Variants in SLC9C1 observed in about 807,000 individuals in gnomAD.
SLC9C1 encodes the protein solute carrier family 9 member C1, also known as sodium/hydrogen exchanger 10.
SLC9C1 carries 97 observed loss-of-function variants against 140.9 expected under a neutral mutation model. That is an observed-to-expected ratio of 0.69 (90% CI 0.58 to 0.82). The LOEUF (loss-of-function observed/expected upper bound fraction) is 0.82. Among genes scored for constraint, SLC9C1 ranks in the 40% least tolerant of loss-of-function variants. The probability of loss-of-function intolerance (pLI) is 0.00; values close to 1 mark genes in which losing one functional copy is unlikely to be tolerated. For missense variants in SLC9C1, 1,340 were observed against 1,389.3 expected (o/e 0.96, Z 0.56); for synonymous variants, 440 against 442.6 (o/e 0.99, Z 0.07).
At chr3:112,185,673 C>G in intron 20 of SLC9C1, 1 of 1,552,810 alleles carries the variant, frequency 6.4e-7, no homozygotes, top group East Asian at 2.4e-5. Context: ...GGGGCGGGTG[C>G]TCCGGAGGCG....
intron 10 of SLC9C1, among the ~76,000 whole-genome samples, chr3:112,260,953 C>A (rs1256170278): frequency 6.6e-6 from 1 of 152,026 alleles, no homozygotes; most frequent in African/African-American, 2.4e-5. Flanking sequence ...CTCCATGATA[C>A]CCTGCCTCCC....
intron 17 of SLC9C1, 63 bp downstream of exon 17, chr3:112,204,155 T>C (rs2077979355): frequency 7.4e-7 from 1 of 1,352,378 alleles, no homozygotes; most frequent in Non-Finnish European, 9.6e-7. Context: ...AAACTAATTT[T>C]ACTCTATGTT....
chr3:112,157,762 T>TG (rs2075168852), intron 26 of SLC9C1, among the ~76,000 whole-genome samples: 1 of 46,202 alleles, frequency 2.2e-5, no homozygotes, highest in Non-Finnish European at 8.7e-5. Context: ...TATTCCTAGG[T>TG]ATTTTTTTTT....
At chr3:112,213,692 C>T (rs2078273548) in intron 15 of SLC9C1, among the ~76,000 whole-genome samples, 1 of 152,118 alleles carries the variant, frequency 6.6e-6, no homozygotes, top group African/African-American at 2.4e-5. Context: ...TACAGGAGCA[C>T]CCAGATTCAT....
chr3:112,231,569 C>A, intron 12 of SLC9C1, 83 bp from the exon 13 acceptor site: 2 of 1,370,136 alleles, frequency 1.5e-6, no homozygotes, highest in Admixed American at 2.4e-5. Flanking sequence ...ATTTTTGTAC[C>A]AGTTTGCATT....
At chr3:112,250,300 T>A (rs942023983) in intron 10 of SLC9C1, among the ~76,000 whole-genome samples, 1 of 151,782 alleles carries the variant, frequency 6.6e-6, no homozygotes, top group African/African-American at 2.4e-5. Flanking sequence ...ATTTTCTTAA[T>A]CCAGTCTATC....
At chr3:112,168,372 C>A (rs2077181521) in intron 25 of SLC9C1, among the ~76,000 whole-genome samples, 1 of 147,186 alleles carries the variant, frequency 6.8e-6, no homozygotes. Context: ...CACACAACTT[C>A]TTTCCTTCTT....
Position 112,278,779 on chromosome 3 carries a change from T to C in SLC9C1, c.268A>G (p.Thr90Ala), listed in dbSNP as rs777200721. ...TACGTATCCATGTCAAATGCAGTAG[T>C]AAAGAAAACTACTGGTGTAAATATA... ...FRIFTPVVFF[T>A]TAFDMDTYML... The change falls in exon 4 of 29, where the codon ACT (threonine) becomes GCT (alanine). Residue 90 changes from threonine to alanine, a missense_variant. Physicochemically the swap from Thr to Ala is moderately conservative, Grantham distance 58 (BLOSUM62 0). Coordinates refer to ENST00000305815, the MANE Select transcript of SLC9C1 (RefSeq NM_183061.3). 9 of 1,610,912 alleles carry C rather than the reference T, an allele frequency of 5.6e-6. No individual in the cohort carries two copies. In the African/African-American group the frequency reaches 1.2e-4, roughly 22 times the overall value.
chr3:112,280,199 C>G (rs995252286), intron 3 of SLC9C1, among the ~76,000 whole-genome samples: 3 of 152,216 alleles, frequency 2.0e-5, no homozygotes, highest in African/African-American at 7.2e-5. Context: ...CAGATATTGG[C>G]AAATTATGGC....
chr3:112,176,512 C>T (rs909798911), intron 23 of SLC9C1, among the ~76,000 whole-genome samples: 3 of 152,188 alleles, frequency 2.0e-5, no homozygotes, highest in Non-Finnish European at 2.9e-5. Flanking sequence ...ATAGTCTGGA[C>T]AATCTCCATG....
At chr3:112,199,774 G>A (rs2077861038) in intron 19 of SLC9C1, among the ~76,000 whole-genome samples, 1 of 151,882 alleles carries the variant, frequency 6.6e-6, no homozygotes, top group African/African-American at 2.4e-5. Flanking sequence ...GGCTGCTCAG[G>A]GCTATATGTC....
rs200996602 is a variant in SLC9C1 at position 112,173,686 on chromosome 3, T to G, written c.2920-4358A>C. Among the ~76,000 whole-genome samples, 12 of 152,244 alleles carry G rather than the reference T, an allele frequency of 7.9e-5. No homozygotes were observed. In the East Asian group the frequency reaches 2.3e-3, roughly 29 times the overall value. On this transcript the variant is annotated intron_variant, in intron 23 of 28. Coordinates refer to ENST00000305815, the MANE Select transcript of SLC9C1 (RefSeq NM_183061.3). ...TTTTCTTTATCCAGTCTACTGTTGA[T>G]GGGCATTTAGGTTGATTCCATGTCT... is the stretch of plus-strand genomic sequence containing the variant.
chr3:112,186,747 G>T (rs2077548482), intron 20 of SLC9C1, among the ~76,000 whole-genome samples: 1 of 152,188 alleles, frequency 6.6e-6, no homozygotes, highest in African/African-American at 2.4e-5. Flanking sequence ...TTGGTTTAAT[G>T]ATGGTTAAAT....
At chr3:112,246,283 A>C (rs966293054) in intron 10 of SLC9C1, among the ~76,000 whole-genome samples, 2 of 152,178 alleles carry the variant, frequency 1.3e-5, no homozygotes, top group African/African-American at 4.8e-5. Flanking sequence ...GCTTTTGTAG[A>C]GTGTGGTACC....
chr3:112,148,788 G>T (rs2074876815), intron 28 of SLC9C1, among the ~76,000 whole-genome samples: 1 of 152,212 alleles, frequency 6.6e-6, no homozygotes, highest in Non-Finnish European at 1.5e-5. Context: ...AAAAGGGTGT[G>T]TCTTGACTGG....
intron 10 of SLC9C1, among the ~76,000 whole-genome samples, chr3:112,253,750 C>T (rs995232313): frequency 2.6e-5 from 4 of 152,156 alleles, no homozygotes; most frequent in Admixed American, 1.3e-4. Context: ...CACACTAGTT[C>T]TCCGACATGG....
At chr3:112,274,869 G>A (rs6805112) in intron 6 of SLC9C1, 28 bp downstream of exon 6, 1,149,002 of 1,484,976 alleles carry the variant, frequency 0.77, 448,420 homozygotes, top group East Asian at 0.99. Flanking sequence ...TTCTGATGTT[G>A]AGAAAAATTT....
rs764326132 is a variant in SLC9C1 at position 112,231,503 on chromosome 3, T to A, written c.1447-17A>T. The A allele has an allele frequency of 1.9e-6, 3 of 1,585,720 alleles. No individual in the cohort carries two copies. The highest frequency in any genetic ancestry group is 2.7e-5 in the African/African-American group (2 of 73,808). ...TTCGTTCAACTAAATAAAACATAAA[T>A]AAAAGAACAAAAAATACATGAATAT... On this transcript the variant is annotated splice_polypyrimidine_tract_variant and intron_variant, in intron 12 of 28. Coordinates refer to ENST00000305815, the MANE Select transcript of SLC9C1 (RefSeq NM_183061.3).
chr3:112,141,042 G>A lies in SLC9C1; in HGVS notation c.*230C>T. 2.6e-6 allele frequency: 1 copy of A among 389,688 alleles called. No individual in the cohort carries two copies. The highest frequency in any genetic ancestry group is 4.7e-6 in the Non-Finnish European group (1 of 212,824). 24.1% of individuals were successfully genotyped at this position (389,688 alleles called of 1,614,324 possible). On this transcript the variant is annotated 3_prime_UTR_variant, in exon 29 of 29. Transcript: ENST00000305815. ...AATTTACTCTAAGATTTTCTAAAATGTTTTGTATATTTAAAATAACAAATA... is the reference window on the plus strand; with the variant it reads ...AATTTACTCTAAGATTTTCTAAAATATTTTGTATATTTAAAATAACAAATA...
Sources: gnomAD v4.1 joint callset for allele counts (sites outside exome capture counted in the v4.1 genomes callset) on GRCh38, gnomAD v4.1.1 for gene constraint, MANE v1.5 for transcripts, NCBI Gene and HGNC (gene_info 2026-07-23, HGNC 2026-07-21) for gene names.